SLC24A2: variants seen among roughly 807,000 people sequenced by gnomAD.
SLC24A2 encodes solute carrier family 24 member 2, also known as sodium/potassium/calcium exchanger 2.
In SLC24A2, 36 loss-of-function variants were observed where a neutral mutation model predicts 62.0. That is an observed-to-expected ratio of 0.58 (90% CI 0.44 to 0.77). SLC24A2 has a LOEUF of 0.77. Ranked by LOEUF, SLC24A2 falls within the 30% of genes least tolerant of loss-of-function variation. The pLI is 0.00. For missense variants in SLC24A2, 846 were observed against 817.9 expected (o/e 1.03, Z -0.42); for synonymous variants, 358 against 294.0 (o/e 1.22, Z -2.23).
At chr9:19,931,915 TTTTA>T in the SLC24A2 span, among the ~76,000 whole-genome samples, 2 of 152,082 alleles carry the variant, frequency 1.3e-5, no homozygotes, top group Admixed American at 6.5e-5. Context: ...TTTAATTTAA[TTTTA>T]TTTATTATTA....
the SLC24A2 span, among the ~76,000 whole-genome samples, chr9:19,880,611 T>A: frequency 2.6e-5 from 4 of 152,100 alleles, no homozygotes; most frequent in Non-Finnish European, 5.9e-5. Context: ...AAAAAAGCAG[T>A]TGGATTCTTG....
chr9:19,888,091 A>T, the SLC24A2 span, among the ~76,000 whole-genome samples: 1 of 152,176 alleles, frequency 6.6e-6, no homozygotes. Flanking sequence ...TATTCACGTA[A>T]CCAAATAGCA....
At chr9:20,136,969 G>C in the SLC24A2 span, among the ~76,000 whole-genome samples, 1 of 152,140 alleles carries the variant, frequency 6.6e-6, no homozygotes, top group Non-Finnish European at 1.5e-5. Context: ...AAAAGGGTGT[G>C]TTTACGCTAA....
At chr9:19,597,131 A>T in intron 5 of SLC24A2, 98 bp downstream of exon 5, 1 of 803,590 alleles carries the variant, frequency 1.2e-6, no homozygotes, top group Non-Finnish European at 2.2e-6. Flanking sequence ...ATGTCACTGA[A>T]GTCATGCAGA....
chr9:20,038,799 TAGA>T, the SLC24A2 span, among the ~76,000 whole-genome samples: 2 of 152,106 alleles, frequency 1.3e-5, no homozygotes, highest in Non-Finnish European at 2.9e-5. Flanking sequence ...GCACAGATAA[TAGA>T]AGGAGTAAAA....
intron 2 of SLC24A2, among the ~76,000 whole-genome samples, chr9:19,747,306 T>C (rs1821860286): frequency 6.6e-6 from 1 of 152,134 alleles, no homozygotes; most frequent in African/African-American, 2.4e-5. Flanking sequence ...ACTTTCTCTC[T>C]CTCCCATTAT....
At chr9:19,943,724 T>C in the SLC24A2 span, among the ~76,000 whole-genome samples, 1,316 of 152,314 alleles carry the variant, frequency 8.6e-3, 21 homozygotes, top group African/African-American at 0.03. Flanking sequence ...GTTTCATCAG[T>C]GTCTCAAATA....
chr9:19,554,687 A>G (rs1834996135), intron 7 of SLC24A2, among the ~76,000 whole-genome samples: 1 of 152,224 alleles, frequency 6.6e-6, no homozygotes, highest in Non-Finnish European at 1.5e-5. Flanking sequence ...CTATCTTTAA[A>G]GGGTGCGGAT....
chr9:20,132,317 A>G, the SLC24A2 span, among the ~76,000 whole-genome samples: 6,623 of 152,160 alleles, frequency 0.044, 443 homozygotes, highest in African/African-American at 0.15. Flanking sequence ...CTGATGTGCT[A>G]TGTGAAAGAG....
At chr9:19,984,459 A>G in the SLC24A2 span, among the ~76,000 whole-genome samples, 1 of 152,198 alleles carries the variant, frequency 6.6e-6, no homozygotes. Flanking sequence ...TAATTGCAGC[A>G]CTTTGGGAGG....
At chr9:20,034,375 C>T in the SLC24A2 span, among the ~76,000 whole-genome samples, 1 of 151,278 alleles carries the variant, frequency 6.6e-6, no homozygotes, top group Admixed American at 6.6e-5. Flanking sequence ...GCCTTCATTT[C>T]CTTCTTTCAG....
At chr9:20,197,257 T>A in the SLC24A2 span, among the ~76,000 whole-genome samples, 2 of 152,128 alleles carry the variant, frequency 1.3e-5, no homozygotes, top group East Asian at 3.8e-4. Context: ...TGCCAAATTG[T>A]TTTCCAAACT....
chr9:19,693,389 G>A (rs1820097216), intron 2 of SLC24A2, among the ~76,000 whole-genome samples: 1 of 152,066 alleles, frequency 6.6e-6, no homozygotes, highest in Non-Finnish European at 1.5e-5. Context: ...TTGGTCCATG[G>A]TAGGTGCACC....
At chr9:19,607,146 AG>A (rs1837006293) in intron 4 of SLC24A2, among the ~76,000 whole-genome samples, 1 of 152,250 alleles carries the variant, frequency 6.6e-6, no homozygotes, top group African/African-American at 2.4e-5. Context: ...CTCATATCAC[AG>A]ATGATGTTTA....
intron 8 of SLC24A2, among the ~76,000 whole-genome samples, chr9:19,530,483 T>C (rs978904238): frequency 1.3e-5 from 2 of 152,244 alleles, no homozygotes; most frequent in Admixed American, 6.5e-5. Flanking sequence ...ATAATTATTA[T>C]TTTAACTTTG....
At chr9:19,900,036 G>C in the SLC24A2 span, among the ~76,000 whole-genome samples, 1 of 152,110 alleles carries the variant, frequency 6.6e-6, no homozygotes, top group Non-Finnish European at 1.5e-5. Context: ...ACTACTTGAG[G>C]GGAGGGGCCA....
the SLC24A2 span, among the ~76,000 whole-genome samples, chr9:20,167,596 A>G: frequency 6.6e-6 from 1 of 152,050 alleles, no homozygotes; most frequent in South Asian, 2.1e-4. Flanking sequence ...CCAGTAAAGG[A>G]TCAGTGTCCC....
At chr9:19,530,663 A>T (rs1042155950) in intron 8 of SLC24A2, among the ~76,000 whole-genome samples, 1 of 152,216 alleles carries the variant, frequency 6.6e-6, no homozygotes, top group Non-Finnish European at 1.5e-5. Context: ...AAATCAACAT[A>T]CTAGGGAAAA....
At chr9:20,270,678 A>G in the SLC24A2 span, among the ~76,000 whole-genome samples, 524 of 152,306 alleles carry the variant, frequency 3.4e-3, 1 homozygote, top group Non-Finnish European at 4.9e-3. Context: ...CATTCAACAA[A>G]TATTTATTGA....
Sources: allele counts gnomAD v4.1 joint callset (sites outside exome capture counted in the v4.1 genomes callset), GRCh38; gene constraint gnomAD v4.1.1; transcripts MANE v1.5; gene names NCBI Gene and HGNC (gene_info 2026-07-23, HGNC 2026-07-21).